AUTS2: variants seen among roughly 807,000 people sequenced by gnomAD.
The protein encoded by AUTS2 is autism susceptibility gene 2 protein.
A neutral mutation model predicts 112.4 loss-of-function variants in AUTS2; 17 were observed. The ratio of observed to expected loss-of-function variants is 0.15; its 90% CI spans 0.10 to 0.23. The LOEUF is 0.23. Among genes scored for constraint, AUTS2 ranks in the 10% least tolerant of loss-of-function variants. The probability of loss-of-function intolerance (pLI) is 1.00; values close to 1 mark genes in which losing one functional copy is unlikely to be tolerated. For missense variants in AUTS2, 1,510 were observed against 1,701.6 expected (o/e 0.89, Z 1.98); for synonymous variants, 751 against 702.7 (o/e 1.07, Z -1.09).
At chr7:70,000,640 T>C (rs947903677) in intron 2 of AUTS2, among the ~76,000 whole-genome samples, 1 of 152,224 alleles carries the variant, frequency 6.6e-6, no homozygotes, top group African/African-American at 2.4e-5. Context: ...ATCATCTTTA[T>C]ATTTGAACTG....
chr7:69,942,801 G>A (rs947489274), intron 2 of AUTS2, among the ~76,000 whole-genome samples: 1 of 152,246 alleles, frequency 6.6e-6, no homozygotes, highest in Non-Finnish European at 1.5e-5. Context: ...CGTGACTTGT[G>A]TCTAAAGCTA....
intron 2 of AUTS2, among the ~76,000 whole-genome samples, chr7:69,959,090 T>G (rs1269503433): frequency 6.6e-6 from 1 of 152,156 alleles, no homozygotes; most frequent in African/African-American, 2.4e-5. Flanking sequence ...CCTCAAGTGA[T>G]CAGTCTTTTA....
At chr7:70,128,068 G>A (rs1806073115) in intron 3 of AUTS2, among the ~76,000 whole-genome samples, 1 of 151,966 alleles carries the variant, frequency 6.6e-6, no homozygotes, top group Non-Finnish European at 1.5e-5. Flanking sequence ...GTTATAATTA[G>A]ATTAGGAAAT....
intron 5 of AUTS2, among the ~76,000 whole-genome samples, chr7:70,644,271 A>C (rs1806023803): frequency 6.6e-6 from 1 of 152,210 alleles, no homozygotes. Context: ...AGCATTTATA[A>C]ATGGTTGAAG....
chr7:70,765,885 G>A (rs1789906896), intron 8 of AUTS2, among the ~76,000 whole-genome samples: 1 of 152,132 alleles, frequency 6.6e-6, no homozygotes. Context: ...CAGATTGATA[G>A]ACTGCCTGTC....
At chr7:70,081,388 A>T (rs1333636761) in intron 2 of AUTS2, among the ~76,000 whole-genome samples, 4 of 49,118 alleles carry the variant, frequency 8.1e-5, no homozygotes, top group Non-Finnish European at 1.3e-4. Context: ...CCGTCTCTAT[A>T]AAAAAAAAAA....
At chr7:69,690,697 A>G (rs1370695515) in intron 1 of AUTS2, among the ~76,000 whole-genome samples, 2 of 152,206 alleles carry the variant, frequency 1.3e-5, no homozygotes, top group Non-Finnish European at 2.9e-5. Flanking sequence ...AGGGTGTCAC[A>G]GTCCTGGCTT....
chr7:69,950,611 A>C (rs1378343281), intron 2 of AUTS2, among the ~76,000 whole-genome samples: 1 of 152,112 alleles, frequency 6.6e-6, no homozygotes, highest in African/African-American at 2.4e-5. Context: ...ATTCTTAAAC[A>C]GTGTAAGCAT....
intron 6 of AUTS2, among the ~76,000 whole-genome samples, chr7:70,754,207 T>C (rs957311724): frequency 1.3e-5 from 2 of 151,446 alleles, no homozygotes; most frequent in Non-Finnish European, 2.9e-5. Context: ...ATAATGAACA[T>C]TGATTGGGCA....
At chr7:69,714,983 T>C (rs1404824623) in intron 1 of AUTS2, among the ~76,000 whole-genome samples, 1 of 151,958 alleles carries the variant, frequency 6.6e-6, no homozygotes, top group Non-Finnish European at 1.5e-5. Flanking sequence ...TTAGTGCTGT[T>C]CTTAAGACAT....
At chr7:70,090,439 C>T (rs902604224) in intron 2 of AUTS2, among the ~76,000 whole-genome samples, 1 of 152,078 alleles carries the variant, frequency 6.6e-6, no homozygotes, top group Non-Finnish European at 1.5e-5. Context: ...TCTCAGCTCA[C>T]TGCAATCTTC....
intron 2 of AUTS2, among the ~76,000 whole-genome samples, chr7:70,012,178 G>A (rs563378380): frequency 6.6e-6 from 1 of 152,278 alleles, no homozygotes; most frequent in South Asian, 2.1e-4. Context: ...GATAGTTAAT[G>A]AGTAGGCACA....
chr7:70,238,662 G>T (rs1812449852), intron 4 of AUTS2, among the ~76,000 whole-genome samples: 1 of 148,776 alleles, frequency 6.7e-6, no homozygotes, highest in African/African-American at 2.5e-5. Flanking sequence ...TTTATTATTA[G>T]TGTTTTTTTT....
rs756954861 is a variant in AUTS2, at chr7:70,771,580, G to C, written c.1766G>C (p.Gly589Ala). ...LFHSYPPAVSGIPPMIPPTGP... is the reference protein window; with the variant it reads ...LFHSYPPAVSAIPPMIPPTGP... ...CATTCCTATCCTCCTGCAGTGTCGG[G>C]CATCCCCCCTATGATCCCACCCACT... Residue 589 changes from glycine (G) to alanine (A), a missense_variant, in exon 11 of 19, where the codon GGC (glycine) becomes GCC (alanine). Gly to Ala is a moderately conservative substitution (Grantham distance 60, BLOSUM62 0). Coordinates refer to ENST00000342771, the MANE Select transcript of AUTS2 (RefSeq NM_015570.4). 61 of 1,612,750 alleles carry C rather than the reference G, an allele frequency of 3.8e-5. No individual in the cohort carries two copies. The highest frequency in any genetic ancestry group is 5.1e-5 in the Non-Finnish European group (60 of 1,179,190).
chr7:70,496,938 ACG>A (rs1224385827), intron 5 of AUTS2, among the ~76,000 whole-genome samples: 10 of 137,240 alleles, frequency 7.3e-5, no homozygotes, highest in Admixed American at 3.0e-4. Context: ...AGTCACACAC[ACG>A]CACACCCCAC....
At chr7:70,718,557 G>C (rs974865672) in intron 6 of AUTS2, among the ~76,000 whole-genome samples, 2 of 152,154 alleles carry the variant, frequency 1.3e-5, no homozygotes, top group Admixed American at 1.3e-4. Context: ...CAGCTACTTA[G>C]GTGGCTGAGG....
At chr7:70,100,092 T>G (rs980054564) in intron 2 of AUTS2, among the ~76,000 whole-genome samples, 21 of 152,354 alleles carry the variant, frequency 1.4e-4, no homozygotes, top group Non-Finnish European at 4.4e-5. Flanking sequence ...AAAATTTGTT[T>G]CAGTAAGTAA....
chr7:70,617,674 AAAG>A (rs1804448822), intron 5 of AUTS2, among the ~76,000 whole-genome samples: 1 of 151,782 alleles, frequency 6.6e-6, no homozygotes, highest in Non-Finnish European at 1.5e-5. Context: ...GAGAAAAAAA[AAAG>A]AAGTTTGTGA....
intron 4 of AUTS2, among the ~76,000 whole-genome samples, chr7:70,227,080 A>G (rs1423810515): frequency 6.6e-6 from 1 of 152,296 alleles, no homozygotes; most frequent in East Asian, 1.9e-4. Flanking sequence ...AATTAGTTAC[A>G]TTCTTACCTT....
Sources: gnomAD v4.1 joint callset for allele counts (sites outside exome capture counted in the v4.1 genomes callset) on GRCh38, gnomAD v4.1.1 for gene constraint, MANE v1.5 for transcripts, NCBI Gene and HGNC (gene_info 2026-07-23, HGNC 2026-07-21) for gene names.